The following PCCA variants were observed in gnomAD, a reference collection of about 807,000 sequenced individuals.
PCCA encodes the protein propionyl-CoA carboxylase subunit alpha.
A neutral mutation model predicts 101.3 loss-of-function variants in PCCA; 74 were observed. That is an observed-to-expected ratio of 0.73 (90% CI 0.61 to 0.89). The LOEUF is 0.89. Among genes scored for constraint, PCCA ranks in the 40% least tolerant of loss-of-function variants. PCCA has a pLI of 0.00. For missense variants in PCCA, 891 were observed against 907.0 expected, an observed-to-expected ratio of 0.98 and a Z score of 0.23; for synonymous variants, 294 against 313.6, an observed-to-expected ratio of 0.94 and a Z score of 0.66.
chr13:100,376,442 C>T (rs1016220597), intron 19 of PCCA, among the ~76,000 whole-genome samples: 5 of 152,176 alleles, frequency 3.3e-5, no homozygotes, highest in Non-Finnish European at 5.9e-5. Context: ...GCTGAAGCTG[C>T]GCCCACAGCT....
chr13:100,472,624 T>C, intron 21 of PCCA, among the ~76,000 whole-genome samples: 1 of 152,060 alleles, frequency 6.6e-6, no homozygotes. Flanking sequence ...TAGTGGGGCT[T>C]CCTCGGGAAA....
intron 21 of PCCA, among the ~76,000 whole-genome samples, chr13:100,472,163 C>T (rs537797551): frequency 5.9e-5 from 9 of 152,274 alleles, no homozygotes; most frequent in Non-Finnish European, 8.8e-5. Flanking sequence ...CCAATGCAGA[C>T]GTGGGCCCTT....
chr13:100,336,311 A>G (rs180712699), intron 17 of PCCA, among the ~76,000 whole-genome samples: 217 of 152,240 alleles, frequency 1.4e-3, no homozygotes, highest in Non-Finnish European at 2.7e-3. Flanking sequence ...AAAACACTAC[A>G]TGTAATGGGA....
intron 18 of PCCA, among the ~76,000 whole-genome samples, chr13:100,348,684 A>G (rs1041132200): frequency 2.0e-5 from 3 of 151,906 alleles, no homozygotes; most frequent in African/African-American, 7.2e-5. Flanking sequence ...TTGGATCTGG[A>G]TTCAGCTTTC....
intron 18 of PCCA, among the ~76,000 whole-genome samples, chr13:100,343,797 C>T (rs2071754883): frequency 6.6e-6 from 1 of 152,188 alleles, no homozygotes; most frequent in Non-Finnish European, 1.5e-5. Flanking sequence ...TGTTATTGGC[C>T]AGGTGCAGTG....
chr13:100,446,107 G>A (rs989820139), intron 20 of PCCA, among the ~76,000 whole-genome samples: 4 of 151,912 alleles, frequency 2.6e-5, no homozygotes, highest in East Asian at 1.9e-4. Context: ...TGGCACAGTC[G>A]GCTCACTGCA....
intron 6 of PCCA, among the ~76,000 whole-genome samples, chr13:100,178,392 AGTC>A (rs2056437000): frequency 1.3e-5 from 2 of 152,240 alleles, no homozygotes; most frequent in South Asian, 4.1e-4. Flanking sequence ...ACACTTTTAT[AGTC>A]ATTTTGATGC....
chr13:100,481,809 C>A (rs1014846994), intron 21 of PCCA, among the ~76,000 whole-genome samples: 3 of 152,092 alleles, frequency 2.0e-5, no homozygotes, highest in Non-Finnish European at 4.4e-5. Flanking sequence ...GTTTCTGGAC[C>A]ATGGTTGACC....
At chr13:100,435,003 A>G (rs571254319) in intron 20 of PCCA, among the ~76,000 whole-genome samples, 3 of 152,328 alleles carry the variant, frequency 2.0e-5, no homozygotes, top group Non-Finnish European at 4.4e-5. Flanking sequence ...TTAAAGATGT[A>G]TGGGTACTTG....
intron 4 of PCCA, among the ~76,000 whole-genome samples, chr13:100,141,775 G>A (rs981636642): frequency 7.2e-5 from 11 of 152,148 alleles, no homozygotes; most frequent in African/African-American, 2.7e-4. Context: ...TCCTGGAGGG[G>A]TAGAGGACTG....
chr13:100,249,646 A>C (rs1015227665), intron 8 of PCCA, among the ~76,000 whole-genome samples: 10 of 152,178 alleles, frequency 6.6e-5, no homozygotes, highest in Non-Finnish European at 1.3e-4. Context: ...AATTGTGTTC[A>C]ACCTATAGAT....
chr13:100,486,098 C>G (rs560749389), intron 21 of PCCA, among the ~76,000 whole-genome samples: 4 of 152,340 alleles, frequency 2.6e-5, no homozygotes, highest in South Asian at 4.1e-4. Flanking sequence ...GAGCCATTCT[C>G]TAAACCACCG....
intron 17 of PCCA, among the ~76,000 whole-genome samples, chr13:100,335,220 T>C (rs2070254534): frequency 6.6e-6 from 1 of 152,188 alleles, no homozygotes; most frequent in South Asian, 2.1e-4. Flanking sequence ...TTTGAGGAAA[T>C]TGCTAAAGAA....
At chr13:100,174,280 C>T (rs528359912) in intron 6 of PCCA, among the ~76,000 whole-genome samples, 12 of 151,872 alleles carry the variant, frequency 7.9e-5, no homozygotes, top group African/African-American at 2.7e-4. Flanking sequence ...TTCTTTTTTA[C>T]GAAGCCCTGA....
chr13:100,510,494 A>C (rs764635758), intron 21 of PCCA, among the ~76,000 whole-genome samples: 2 of 152,236 alleles, frequency 1.3e-5, no homozygotes, highest in Non-Finnish European at 2.9e-5. Context: ...ACCGCACTAC[A>C]CCATTAATCT....
chr13:100,155,025 C>T lies in PCCA; in HGVS notation c.347C>T (p.Pro116Leu). The T allele has an allele frequency of 2.5e-6, 4 of 1,614,006 alleles. No homozygotes were observed. The highest frequency in any genetic ancestry group is 3.4e-6 in the Non-Finnish European group (4 of 1,179,976). Reference sequence around the variant, plus strand: ...GAGGCTGTCTGTGTTGGCCCAGCTCCCACCAGTAAAAGCTACCTCAACATG... The same window carrying T: ...GAGGCTGTCTGTGTTGGCCCAGCTCTCACCAGTAAAAGCTACCTCAACATG... ...ADEAVCVGPAPTSKSYLNMDA... is the reference protein window; with the variant it reads ...ADEAVCVGPALTSKSYLNMDA... The change falls in exon 5 of 24, where the codon CCC (proline) becomes CTC (leucine). Residue 116 changes from proline (P) to leucine (L), a missense_variant. By Grantham distance (98) the Pro-to-Leu change is moderately conservative. Transcript: ENST00000376285.
chr13:100,170,248 GT>G (rs1183160676), intron 6 of PCCA, among the ~76,000 whole-genome samples: 1 of 152,190 alleles, frequency 6.6e-6, no homozygotes, highest in Non-Finnish European at 1.5e-5. Context: ...TTAGAATTCA[GT>G]TGGAAAGATT....
At chr13:100,348,783 T>TTCCTTCCTTCCTTC (rs1566976583) in intron 18 of PCCA, among the ~76,000 whole-genome samples, 106 of 55,262 alleles carry the variant, frequency 1.9e-3, no homozygotes, top group Non-Finnish European at 3.3e-3. Flanking sequence ...TTTCTTTCTT[T>TTCCTTCCTTCCTTC]CTTTCTTCCT....
At chr13:100,310,100 A>T (rs571242855) in intron 16 of PCCA, among the ~76,000 whole-genome samples, 192 bp downstream of exon 16, 1 of 152,344 alleles carries the variant, frequency 6.6e-6, no homozygotes, top group African/African-American at 2.4e-5. Flanking sequence ...AAGCAAATGC[A>T]TATTTTCTCT....
Sources: gnomAD v4.1 joint callset for allele counts (sites outside exome capture counted in the v4.1 genomes callset) on GRCh38, gnomAD v4.1.1 for gene constraint, MANE v1.5 for transcripts, NCBI Gene and HGNC (gene_info 2026-07-23, HGNC 2026-07-21) for gene names.